PSMG4: variants seen among roughly 807,000 people sequenced by gnomAD.
The protein encoded by PSMG4 is proteasome assembly chaperone 4, also known as proteasome (prosome, macropain) assembly chaperone 4.
Under a neutral mutation model 11.0 loss-of-function variants are expected in PSMG4, and 10 were observed. That is an observed-to-expected ratio of 0.91 (90% CI 0.56 to 1.54). PSMG4 has a LOEUF of 1.54. PSMG4 is among the 40% of genes most tolerant of loss of function. The probability of loss-of-function intolerance (pLI) is 0.00; values close to 1 mark genes in which losing one functional copy is unlikely to be tolerated. For missense variants in PSMG4, 198 were observed against 160.9 expected, an observed-to-expected ratio of 1.23 and a Z score of -1.25; for synonymous variants, 95 against 71.3, an observed-to-expected ratio of 1.33 and a Z score of -1.68.
chr6:3,259,934 C>T (rs1475255237), intron 1 of PSMG4, among the ~76,000 whole-genome samples: 1 of 152,156 alleles, frequency 6.6e-6, no homozygotes, highest in East Asian at 1.9e-4. Flanking sequence ...CTTAAAACAA[C>T]AGAGGTTTAT....
chr6:3,255,446 GACC>G (rs1042613795), upstream of PSMG4, among the ~76,000 whole-genome samples: 17 of 86,718 alleles, frequency 2.0e-4, no homozygotes, highest in African/African-American at 3.3e-4. Context: ...CCCCTTCTCA[GACC>G]ACCACCTCTT....
upstream of PSMG4, among the ~76,000 whole-genome samples, chr6:3,255,931 C>G (rs937489641): frequency 3.3e-5 from 5 of 152,228 alleles, no homozygotes; most frequent in African/African-American, 7.2e-5. Context: ...TGGTCACGTA[C>G]CATGTACCTA....
At chr6:3,254,776 G>A (rs1006475697), upstream of PSMG4, among the ~76,000 whole-genome samples, 1 of 152,168 alleles carries the variant, frequency 6.6e-6, no homozygotes, top group Admixed American at 6.5e-5. Context: ...CACCTGTAGG[G>A]TCTGGCTGAA....
At chr6:3,260,284 TA>T (rs1251142414) in intron 1 of PSMG4, among the ~76,000 whole-genome samples, 12,071 of 84,228 alleles carry the variant, frequency 0.14, 1,512 homozygotes, top group African/African-American at 0.34. Context: ...ATTGTATATA[TA>T]TATATATTTT....
At position 3,264,144 on chromosome 6, in the gene PSMG4, G is replaced by C. The variant is rs1263190607; in HGVS notation, c.250+385G>C. 14 of 1,543,266 alleles carry C rather than the reference G, an allele frequency of 9.1e-6. No individual in the cohort carries two copies. The East Asian group carries it at 2.9e-4, about 32-fold the overall frequency. On this transcript the variant is annotated intron_variant, in intron 2 of 2. Transcript: ENST00000438998. ...CCGGGCCTTAGGAGGAGTCAGTGCA[G>C]CTGGTGGAGCAGGTGTCACCTCTGT...
At chr6:3,254,912 C>G (rs1477580804), upstream of PSMG4, 10 of 904,658 alleles carry the variant, frequency 1.1e-5, no homozygotes, top group South Asian at 3.5e-5. Context: ...GATCTCTGAG[C>G]TGGTGCTTCA....
Position 3,259,135 on chromosome 6 carries a change from TC to T in PSMG4, c.115del (p.Leu39CysfsTer45). ...FHVMRLTDSL[F>X]LWVGATPHLR... ...GTCATGCGGCTGACGGACTCGCTGT[TC>T]CTGTGGGTGGGGGCCACGCCGCACC... On this transcript the variant is annotated frameshift_variant, in exon 1 of 3. Transcript: ENST00000438998. LOFTEE classifies it high-confidence loss of function. The T allele has an allele frequency of 3.1e-6, 4 of 1,297,396 alleles. No individual in the cohort carries two copies. The highest frequency in any genetic ancestry group is 3.9e-6 in the Non-Finnish European group (4 of 1,021,984). 80.4% of individuals were successfully genotyped at this position (1,297,396 alleles called of 1,614,324 possible).
chr6:3,255,011 G>C (rs78032386), upstream of PSMG4: 9,578 of 1,544,084 alleles, frequency 6.2e-3, 513 homozygotes, highest in African/African-American at 0.12. Flanking sequence ...CTCCCATGTG[G>C]GAGCGCTGGG....
rs1056958017 is a variant in PSMG4 at position 3,264,807 on chromosome 6, C to G, written c.250+1048C>G. 1.9e-5 allele frequency: 3 copies of G among 156,502 alleles called. No homozygotes were observed. In the South Asian group the frequency reaches 5.7e-4, roughly 30 times the overall value. The allele number at this position is 156,502 out of a possible 1,614,324, so 9.7% of individuals were successfully genotyped here. A position where few individuals can be genotyped will look rare whatever the true frequency, so the allele number is the denominator to read the frequency against. On this transcript the variant is annotated intron_variant, in intron 2 of 2. Coordinates refer to ENST00000438998, the MANE Select transcript of PSMG4 (RefSeq NM_001128591.2). The stretch of plus-strand genomic sequence containing the variant: ...CCCAATTTCCCACTTGCCACCCTTC[C>G]CTCTTTGTGTTTGTATCTTTTTTTT...
intron 2 of PSMG4, chr6:3,264,082 C>T (rs1456973527): frequency 6.8e-7 from 1 of 1,475,264 alleles, no homozygotes; most frequent in African/African-American, 1.4e-5. Flanking sequence ...ATGAGAAGTG[C>T]CCACAGCCCC....
upstream of PSMG4, among the ~76,000 whole-genome samples, chr6:3,256,063 T>C (rs1757751459): frequency 6.6e-6 from 1 of 152,204 alleles, no homozygotes; most frequent in African/African-American, 2.4e-5. Flanking sequence ...CTGAATTAAA[T>C]AGCAATATGA....
At chr6:3,258,884 C>A, upstream of PSMG4, 1 of 853,896 alleles carries the variant, frequency 1.2e-6, no homozygotes, top group Non-Finnish European at 1.6e-6. Flanking sequence ...CCTCCCCGAC[C>A]ACGCCCCTCA....
chr6:3,254,499 G>A (rs1384343247), upstream of PSMG4, among the ~76,000 whole-genome samples: 2 of 151,794 alleles, frequency 1.3e-5, no homozygotes, highest in Non-Finnish European at 2.9e-5. Flanking sequence ...GTGGTTTTTT[G>A]TGTATGTGTT....
In PSMG4 at chr6:3,263,739, C is replaced by T; in HGVS notation, c.230C>T (p.Thr77Ile). ...GGAGACACTTCCGACACGACCTCTA[C>T]TGGCCTTGCCCAGCGCCTAGGTATG... ...LLGDTSDTTS[T>I]GLAQRLARKT... Residue 77 changes from threonine (T) to isoleucine (I), a missense_variant, in exon 2 of 3, where the codon ACT (threonine) becomes ATT (isoleucine). Coordinates refer to ENST00000438998, the MANE Select transcript of PSMG4 (RefSeq NM_001128591.2). 2 of 1,551,422 alleles carry T rather than the reference C, an allele frequency of 1.3e-6. No individual in the cohort carries two copies. The highest frequency in any genetic ancestry group is 1.4e-5 in the African/African-American group (1 of 73,182).
intron 2 of PSMG4, chr6:3,265,008 G>A (rs1339062290): frequency 6.6e-6 from 1 of 152,216 alleles, no homozygotes; most frequent in Non-Finnish European, 1.5e-5. Context: ...CACTCCCATA[G>A]AGAAGGTGGT....
At chr6:3,260,212 C>T (rs913250997) in intron 1 of PSMG4, among the ~76,000 whole-genome samples, 21 of 150,862 alleles carry the variant, frequency 1.4e-4, no homozygotes, top group Non-Finnish European at 1.9e-4. Context: ...CGACTCTTCT[C>T]ATAAGGACAT....
chr6:3,255,155 GC>G (rs1430580267), upstream of PSMG4: 1 of 1,550,960 alleles, frequency 6.4e-7, no homozygotes, highest in East Asian at 2.4e-5. Flanking sequence ...GAGGAGCAGG[GC>G]CATACTGACG....
chr6:3,257,528 C>T (rs963987102), upstream of PSMG4, among the ~76,000 whole-genome samples: 3 of 152,126 alleles, frequency 2.0e-5, no homozygotes, highest in African/African-American at 7.2e-5. Flanking sequence ...AGGGATAAAA[C>T]AATTATGGTG....
upstream of PSMG4, among the ~76,000 whole-genome samples, chr6:3,255,932 C>T (rs1356620740): frequency 6.6e-6 from 1 of 152,178 alleles, no homozygotes; most frequent in African/African-American, 2.4e-5. Flanking sequence ...GGTCACGTAC[C>T]ATGTACCTAT....
Sources: allele counts gnomAD v4.1 joint callset (sites outside exome capture counted in the v4.1 genomes callset), GRCh38; gene constraint gnomAD v4.1.1; transcripts MANE v1.5; gene names NCBI Gene and HGNC (gene_info 2026-07-23, HGNC 2026-07-21).